The following DAB1 variants were observed in gnomAD, a reference collection of about 807,000 sequenced individuals.
DAB1 encodes disabled homolog 1.
A neutral mutation model predicts 64.6 loss-of-function variants in DAB1; 15 were observed. The ratio of observed to expected loss-of-function variants is 0.23; its 90% CI spans 0.16 to 0.36. DAB1 has a LOEUF of 0.36. Among genes scored for constraint, DAB1 ranks in the 10% least tolerant of loss-of-function variants. The pLI, the probability that DAB1 is intolerant of heterozygous loss-of-function variation, is 1.00. For synonymous variants in DAB1, 235 were observed against 251.9 expected (o/e 0.93, Z 0.64); for missense variants, 596 against 706.7 (o/e 0.84, Z 1.78).
intron 1 of DAB1, among the ~76,000 whole-genome samples, chr1:57,873,704 A>G (rs1230363982): frequency 1.3e-5 from 2 of 152,182 alleles, no homozygotes; most frequent in Non-Finnish European, 2.9e-5. Flanking sequence ...GGGGCTCTAC[A>G]GCATGTTTCT....
At chr1:58,534,023 C>G (rs761631368) in intron 1 of DAB1, 2 of 871,486 alleles carry the variant, frequency 2.3e-6, no homozygotes, top group Non-Finnish European at 4.0e-6. Flanking sequence ...ATCGGTTACA[C>G]TATTTAAAAA....
At chr1:57,496,263 T>C (rs1040816330) in intron 7 of DAB1, among the ~76,000 whole-genome samples, 3 of 152,162 alleles carry the variant, frequency 2.0e-5, no homozygotes, top group Admixed American at 2.0e-4. Context: ...ATAGACCTTG[T>C]GTTCTAGTGA....
chr1:57,687,599 CAAAAAAAAAAAAAAA>C (rs57316234), intron 6 of DAB1, among the ~76,000 whole-genome samples: 1 of 82,438 alleles, frequency 1.2e-5, no homozygotes, highest in Non-Finnish European at 2.5e-5. Flanking sequence ...TCTTAAGAAA[CAAAAAAAAAAAAAAA>C]AAAAAGAAAA....
At chr1:58,296,310 G>C (rs1661992973) in intron 4 of DAB1, among the ~76,000 whole-genome samples, 1 of 152,152 alleles carries the variant, frequency 6.6e-6, no homozygotes, top group South Asian at 2.1e-4. Flanking sequence ...CAGTGGTATA[G>C]AGCCTTCTGG....
At chr1:57,246,920 T>G (rs1668927594) in intron 2 of DAB1, among the ~76,000 whole-genome samples, 1 of 152,224 alleles carries the variant, frequency 6.6e-6, no homozygotes. Context: ...AATTTCTTCC[T>G]TTTAGAATGG....
At chr1:57,586,919 C>A (rs1392720414) in intron 7 of DAB1, among the ~76,000 whole-genome samples, 2 of 151,906 alleles carry the variant, frequency 1.3e-5, no homozygotes, top group African/African-American at 2.4e-5. Context: ...CTATCAATTA[C>A]AAAGTCTGGC....
At chr1:57,522,116 A>T (rs527367289) in intron 7 of DAB1, among the ~76,000 whole-genome samples, 2 of 152,218 alleles carry the variant, frequency 1.3e-5, no homozygotes, top group South Asian at 4.2e-4. Flanking sequence ...TCTCAAAAAA[A>T]AAAGAGCCCA....
chr1:57,207,740 G>T (rs536828498), intron 2 of DAB1, among the ~76,000 whole-genome samples: 1 of 152,204 alleles, frequency 6.6e-6, no homozygotes, highest in Non-Finnish European at 1.5e-5. Flanking sequence ...CACCGCGCCC[G>T]GCACCTTATT....
At chr1:57,641,859 T>TAGAG (rs1386402941) in intron 7 of DAB1, among the ~76,000 whole-genome samples, 4 of 152,148 alleles carry the variant, frequency 2.6e-5, no homozygotes, top group Non-Finnish European at 5.9e-5. Context: ...CTCAAGAACT[T>TAGAG]AGAGATCACC....
chr1:58,522,849 C>T (rs769544727), intron 2 of DAB1, among the ~76,000 whole-genome samples: 16 of 152,144 alleles, frequency 1.1e-4, no homozygotes, highest in Non-Finnish European at 1.9e-4. Flanking sequence ...GGAAGTGGAT[C>T]ATCATAAATG....
chr1:58,331,986 C>G (rs1439964374), intron 4 of DAB1, among the ~76,000 whole-genome samples: 1 of 152,156 alleles, frequency 6.6e-6, no homozygotes, highest in Non-Finnish European at 1.5e-5. Flanking sequence ...CTAACCTCAT[C>G]TCTTGCCTTT....
rs145539957 is a variant in DAB1, at chr1:57,463,201, C to A, written n.626-172035G>T. Among the ~76,000 whole-genome samples the A allele has an allele frequency of 3.0e-3, 464 of 152,196 alleles. 2 individuals are homozygous for A. The highest frequency in any genetic ancestry group is 0.01 in the African/African-American group (426 of 41,516). ...GTTCTACCCTGGACAGCTTCAGTGG[C>A]TTTGTGGAGCCTCAATCTCCCATGT... On this transcript the variant is annotated intron_variant and non_coding_transcript_variant, in intron 7 of 20. Transcript: ENST00000485760.
chr1:57,429,290 C>CAA (rs200417052), intron 7 of DAB1, among the ~76,000 whole-genome samples: 4 of 151,486 alleles, frequency 2.6e-5, no homozygotes, highest in African/African-American at 9.7e-5. Context: ...CCTTCTTTAA[C>CAA]AAAAAAAAGT....
chr1:58,530,046 A>G (rs1272587000), intron 1 of DAB1, among the ~76,000 whole-genome samples: 1 of 152,032 alleles, frequency 6.6e-6, no homozygotes, highest in Non-Finnish European at 1.5e-5. Flanking sequence ...ACGCCAGGCT[A>G]ATTTTTTTGT....
At chr1:58,028,673 T>G (rs559612877) in intron 5 of DAB1, among the ~76,000 whole-genome samples, 8 of 152,244 alleles carry the variant, frequency 5.3e-5, no homozygotes, top group Non-Finnish European at 8.8e-5. Flanking sequence ...TTTTGCCATT[T>G]TGTGTATGTC....
intron 1 of DAB1, among the ~76,000 whole-genome samples, chr1:57,409,651 A>G (rs1683944416): frequency 6.6e-6 from 1 of 152,124 alleles, no homozygotes. Context: ...TCTACTAAAA[A>G]TACAAAAATT....
At chr1:57,788,093 AAC>A (rs759627067) in intron 6 of DAB1, among the ~76,000 whole-genome samples, 6 of 152,210 alleles carry the variant, frequency 3.9e-5, no homozygotes, top group Non-Finnish European at 8.8e-5. Context: ...CCCTTGGGAA[AAC>A]AGTTTAGCAG....
At chr1:57,727,774 C>T (rs926901930) in intron 6 of DAB1, among the ~76,000 whole-genome samples, 3 of 78,404 alleles carry the variant, frequency 3.8e-5, no homozygotes, top group African/African-American at 1.2e-4. Context: ...CCTCTCTCCC[C>T]TTCTCTCCCT....
intron 2 of DAB1, among the ~76,000 whole-genome samples, chr1:57,264,694 T>TC (rs34024409): frequency 0.16 from 24,560 of 152,012 alleles, 3,785 homozygotes; most frequent in African/African-American, 0.4. Context: ...TCTCGTGATC[T>TC]CCCCACCCTC....
Sources: allele counts gnomAD v4.1 joint callset (sites outside exome capture counted in the v4.1 genomes callset), GRCh38; gene constraint gnomAD v4.1.1; transcripts MANE v1.5; gene names NCBI Gene and HGNC (gene_info 2026-07-23, HGNC 2026-07-21).